The following REEP2 variants were observed in gnomAD, a reference collection of about 807,000 sequenced individuals.
The protein encoded by REEP2 is receptor expression-enhancing protein 2.
In REEP2, 9 loss-of-function variants were observed where a neutral mutation model predicts 32.1. The observed-to-expected ratio is 0.28, with a 90% CI of 0.17 to 0.49. The LOEUF is 0.49. Among genes scored for constraint, REEP2 ranks in the 20% least tolerant of loss-of-function variants. REEP2 has a pLI of 0.99. For missense variants in REEP2, 236 were observed against 338.0 expected, an observed-to-expected ratio of 0.70 and a Z score of 2.37; for synonymous variants, 128 against 139.1, an observed-to-expected ratio of 0.92 and a Z score of 0.56.
rs144056253 is a variant in REEP2, at chr5:138,440,237, C to A, written c.33-779C>A. Among the ~76,000 whole-genome samples, 621 of 152,330 alleles carry A rather than the reference C, an allele frequency of 4.1e-3. 4 individuals are homozygous for A. The highest frequency in any genetic ancestry group is 0.014 in the African/African-American group (581 of 41,572). On this transcript the variant is annotated intron_variant, in intron 1 of 7. Transcript: ENST00000378339. ...TTCTTCCCATTCGGTACAGCCGGGC[C>A]GGCCAAGTGCTTCTGTCCTGGTTTA...
At chr5:138,445,637 G>A (rs370665653) in intron 7 of REEP2, 39 bp downstream of exon 7, 1 of 1,614,024 alleles carries the variant, frequency 6.2e-7, no homozygotes, top group Non-Finnish European at 8.5e-7. Context: ...ACAGGCAGGG[G>A]GTGGCGGCTC....
intron 1 of REEP2, 54 bp from the exon 2 acceptor site, chr5:138,440,962 G>A: frequency 1.2e-6 from 2 of 1,606,492 alleles, no homozygotes; most frequent in Middle Eastern, 1.7e-4. Context: ...GAGCTGGGAG[G>A]GAGAGGCCAC....
intron 1 of REEP2, among the ~76,000 whole-genome samples, chr5:138,440,215 T>G (rs1481341475): frequency 6.6e-6 from 1 of 152,186 alleles, no homozygotes; most frequent in Non-Finnish European, 1.5e-5. Context: ...TGCTCCCTTC[T>G]TCCCATTCGG....
At position 138,446,136 on chromosome 5, in the gene REEP2, C is replaced by G; in HGVS notation, c.*385C>G. 4 of 196,606 alleles carry G rather than the reference C, an allele frequency of 2.0e-5. No individual in the cohort carries two copies. Among genetic ancestry groups the G allele is most frequent in the East Asian group, 1.3e-4 (1 of 7,730 alleles). 12.2% of individuals were successfully genotyped at this position (196,606 alleles called of 1,614,324 possible). ...TCCACTGCTCGCCTTGGTTTGGGAG[C>G]AGGGAGGGGGAAGTCCTAGCCCAGA... On this transcript the variant is annotated 3_prime_UTR_variant, in exon 8 of 8. Transcript: ENST00000378339.
In REEP2 at chr5:138,446,264, CAG is replaced by C. The variant is rs1448289482; in HGVS notation, c.*514_*515del. 1 of 158,136 alleles carries C rather than the reference CAG, an allele frequency of 6.3e-6. No homozygotes were observed. The highest frequency in any genetic ancestry group is 2.4e-5 in the African/African-American group (1 of 41,564). 9.8% of individuals were successfully genotyped at this position (158,136 alleles called of 1,614,324 possible). ...TCCAGGTGCAGCTGTGGATGGAAGA[CAG>C]GGATTGGCCTGTGCTTCAGCGACCA... On this transcript the variant is annotated 3_prime_UTR_variant, in exon 8 of 8. Coordinates refer to ENST00000378339, the MANE Select transcript of REEP2 (RefSeq NM_001271803.2).
intron 4 of REEP2, 89 bp from the exon 5 acceptor site, chr5:138,444,665 C>A: frequency 6.4e-7 from 1 of 1,560,192 alleles, no homozygotes; most frequent in Non-Finnish European, 8.8e-7. Context: ...GCTGCCGTGG[C>A]CTCCCGGAGC....
chr5:138,440,883 T>C, intron 1 of REEP2, 133 bp from the exon 2 acceptor site: 1 of 1,517,226 alleles, frequency 6.6e-7, no homozygotes, highest in East Asian at 2.4e-5. Context: ...CCTTAACCCC[T>C]GACCTGAGTT....
At chr5:138,445,640 G>A in intron 7 of REEP2, 42 bp downstream of exon 7, 1 of 1,614,094 alleles carries the variant, frequency 6.2e-7, no homozygotes, top group South Asian at 1.1e-5. Context: ...GGCAGGGGGT[G>A]GCGGCTCCAG....
intron 5 of REEP2, 134 bp downstream of exon 5, chr5:138,445,001 G>T: frequency 2.6e-6 from 2 of 766,542 alleles, no homozygotes; most frequent in South Asian, 1.9e-5. Context: ...TCCAGTCCAG[G>T]CTCTACTGCT....
intron 5 of REEP2, 34 bp from the exon 6 acceptor site, chr5:138,445,191 TCCC>T: frequency 6.5e-7 from 1 of 1,546,002 alleles, no homozygotes; most frequent in South Asian, 1.2e-5. Flanking sequence ...CCCCGCCCCT[TCCC>T]CCCGGCTCTC....
chr5:138,445,568 C>T lies in REEP2; in HGVS notation c.666C>T (p.Ala222=). 1 of 1,614,176 alleles carries T rather than the reference C, an allele frequency of 6.2e-7. No individual in the cohort carries two copies. Among genetic ancestry groups the T allele is most frequent in the Non-Finnish European group, 8.5e-7 (1 of 1,180,016 alleles). Residue 222 remains alanine (A), a synonymous_variant, in exon 7 of 8, where the codon GCC becomes GCT. Transcript: ENST00000378339. ...TGGGAGACAAAGCTCCCAAGAGGGC[C>T]AAACCCATCAAAAAAGCGCCCAAAG... The part of the protein sequence containing the change: ...DDMGDKAPKR[A]KPIKKAPKAE...
intron 1 of REEP2, 127 bp from the exon 2 acceptor site, chr5:138,440,889 G>C: frequency 6.5e-7 from 1 of 1,537,082 alleles, no homozygotes; most frequent in Non-Finnish European, 8.7e-7. Context: ...CCCCTGACCT[G>C]AGTTCATCAG....
Position 138,444,403 on chromosome 5 carries a change from C to G in REEP2, c.183-12C>G, listed in dbSNP as rs911936947. Reference sequence around the variant, plus strand: ...CCTGCCCTGTACTCTGCGCTTGCCCCTGTCCCAACAGGTTCCCCTTCTACT... The same window carrying G: ...CCTGCCCTGTACTCTGCGCTTGCCCGTGTCCCAACAGGTTCCCCTTCTACT... On this transcript the variant is annotated splice_polypyrimidine_tract_variant and intron_variant, in intron 3 of 7. Transcript: ENST00000378339. 6 of 1,613,280 alleles carry G rather than the reference C, an allele frequency of 3.7e-6. No individual in the cohort carries two copies. The highest frequency in any genetic ancestry group is 5.1e-6 in the Non-Finnish European group (6 of 1,179,824).
chr5:138,445,076 C>A, intron 5 of REEP2, 152 bp from the exon 6 acceptor site: 1 of 954,026 alleles, frequency 1.0e-6, no homozygotes, highest in Non-Finnish European at 1.6e-6. Context: ...AAAGTGTGGC[C>A]CTGCCCCAGC....
chr5:138,445,162 A>G, intron 5 of REEP2, 66 bp from the exon 6 acceptor site: 3 of 1,507,058 alleles, frequency 2.0e-6, no homozygotes, highest in Non-Finnish European at 1.8e-6. Flanking sequence ...TGCCAGCACC[A>G]TGGTGACCTC....
At position 138,444,718 on chromosome 5, in the gene REEP2, A is replaced by G. The variant is rs759988914; in HGVS notation, c.304-36A>G. The G allele has an allele frequency of 5.0e-6, 8 of 1,595,400 alleles. No individual in the cohort carries two copies. The East Asian group carries it at 1.6e-4, about 31-fold the overall frequency. On this transcript the variant is annotated intron_variant, in intron 4 of 7. Coordinates refer to ENST00000378339, the MANE Select transcript of REEP2 (RefSeq NM_001271803.2). ...CAGGGGTGAACAAGGGTAGGGCAGGACCTCTCCTCTTCTCCCTTCCCCTCC... is the reference window on the plus strand; with the variant it reads ...CAGGGGTGAACAAGGGTAGGGCAGGGCCTCTCCTCTTCTCCCTTCCCCTCC...
chr5:138,445,428 T>G, intron 6 of REEP2, 40 bp from the exon 7 acceptor site: 1 of 1,613,688 alleles, frequency 6.2e-7, no homozygotes, highest in Non-Finnish European at 8.5e-7. Flanking sequence ...GGAGTCCAGA[T>G]GGGAAAGATT....
In REEP2 at chr5:138,441,128, G is replaced by C; in HGVS notation, c.105+40G>C. On this transcript the variant is annotated intron_variant, in intron 2 of 7. Coordinates refer to ENST00000378339, the MANE Select transcript of REEP2 (RefSeq NM_001271803.2). The surrounding 1 kb of genome is among the most constrained non-coding windows in gnomAD (Gnocchi z 4.4). ...CTTCACCCCCTACCCAACCCACATG[G>C]CACAGAGAGGGGAGGGCACTGGGTC... is the stretch of plus-strand genomic sequence containing the variant. The C allele has an allele frequency of 6.2e-7, 1 of 1,612,054 alleles. No homozygotes were observed. Among genetic ancestry groups the C allele is most frequent in the Non-Finnish European group, 8.5e-7 (1 of 1,179,188 alleles).
At position 138,441,734 on chromosome 5, in the gene REEP2, G is replaced by T. The variant is rs1763829891; in HGVS notation, c.182+273G>T. ...GAGGTCAGGAGTTTGAGACCAGCCT[G>T]GCCAACATGGTGAAACCCCGTCTCC... On this transcript the variant is annotated intron_variant, in intron 3 of 7. Coordinates refer to ENST00000378339, the MANE Select transcript of REEP2 (RefSeq NM_001271803.2). The surrounding 1 kb of genome is among the most constrained non-coding windows in gnomAD (Gnocchi z 4.4). Among the ~76,000 whole-genome samples, 1 of 152,180 alleles carries T rather than the reference G, an allele frequency of 6.6e-6. No homozygotes were observed. The highest frequency in any genetic ancestry group is 2.1e-4 in the South Asian group (1 of 4,814).
Sources: allele counts gnomAD v4.1 joint callset (sites outside exome capture counted in the v4.1 genomes callset), GRCh38; gene constraint gnomAD v4.1.1; non-coding constraint Gnocchi (gnomAD v3.1); transcripts MANE v1.5; gene names NCBI Gene and HGNC (gene_info 2026-07-23, HGNC 2026-07-21).